The following AMMECR1 variants were observed in gnomAD, a reference collection of about 807,000 sequenced individuals.
AMMECR1 encodes the protein nuclear protein AMMECR1.
AMMECR1 carries 3 observed loss-of-function variants against 22.5 expected under a neutral mutation model. The observed-to-expected ratio is 0.13, with a 90% CI of 0.06 to 0.35. AMMECR1 has a LOEUF of 0.35. AMMECR1 is among the 10% of genes least tolerant of loss of function. The pLI, the probability that AMMECR1 is intolerant of heterozygous loss-of-function variation, is 1.00. For missense variants in AMMECR1, 235 were observed against 278.7 expected, an observed-to-expected ratio of 0.84 and a Z score of 1.12; for synonymous variants, 130 against 116.7, an observed-to-expected ratio of 1.11 and a Z score of -0.74.
intron 2 of AMMECR1, among the ~76,000 whole-genome samples, chrX:110,346,384 A>G (rs906201117): frequency 1.2e-4 from 14 of 112,309 alleles, no homozygotes; most frequent in Non-Finnish European, 1.9e-5. Flanking sequence ...GTCAAATATC[A>G]CTAGTATTCA....
chrX:110,344,418 C>G (rs780005058), intron 2 of AMMECR1, among the ~76,000 whole-genome samples: 1 of 112,139 alleles, frequency 8.9e-6, no homozygotes, highest in East Asian at 2.8e-4. Context: ...CAACACCATT[C>G]AGGACATAGG....
intron 3 of AMMECR1, among the ~76,000 whole-genome samples, chrX:110,202,977 C>T (rs965888806): frequency 8.9e-6 from 1 of 111,893 alleles, no homozygotes; most frequent in East Asian, 2.8e-4. Flanking sequence ...TGGTGCTGAT[C>T]CCCTCCCAAA....
At chrX:110,380,480 A>G (rs763725975) in intron 2 of AMMECR1, among the ~76,000 whole-genome samples, 12 of 112,436 alleles carry the variant, frequency 1.1e-4, no homozygotes, top group Non-Finnish European at 1.9e-4. Context: ...TTCCACACTC[A>G]TTAATTAGAA....
chrX:110,283,434 T>C (rs1016518559), intron 1 of AMMECR1, among the ~76,000 whole-genome samples: 5 of 112,362 alleles, frequency 4.4e-5, no homozygotes, highest in Admixed American at 2.8e-4. Context: ...GTTTGGACTA[T>C]TTACAATACC....
chrX:110,225,191 G>A lies in AMMECR1; in HGVS notation c.585-8559C>T, dbSNP rs2067526278. ...AATATATCAAAGCATGATACTTAGAGTAGGCTTTGTTATTAAAGACAGTGA... is the reference window on the plus strand; with the variant it reads ...AATATATCAAAGCATGATACTTAGAATAGGCTTTGTTATTAAAGACAGTGA... On this transcript the variant is annotated intron_variant, in intron 2 of 5. Transcript: ENST00000262844. 2.1e-5 allele frequency: 4 copies of A among 192,220 alleles called. No homozygotes were observed. In the Admixed American group the frequency reaches 2.2e-4, roughly 11 times the overall value. The allele number at this position is 192,220 out of a possible 1,213,427, so 15.8% of individuals were successfully genotyped here. A position where few individuals can be genotyped will look rare whatever the true frequency, so the allele number is the denominator to read the frequency against.
At chrX:110,399,135 A>C (rs2068547484) in intron 2 of AMMECR1, among the ~76,000 whole-genome samples, 1 of 112,131 alleles carries the variant, frequency 8.9e-6, no homozygotes, top group South Asian at 3.7e-4. Context: ...TCACAATAAC[A>C]ACAATAATAT....
At chrX:110,224,958 G>A (rs1055606971) in intron 2 of AMMECR1, 18 of 344,999 alleles carry the variant, frequency 5.2e-5, no homozygotes, top group African/African-American at 8.1e-5. Context: ...TTAGTTTTTC[G>A]TTTTTTAAAT....
intron 2 of AMMECR1, among the ~76,000 whole-genome samples, chrX:110,231,099 T>C (rs190925883): frequency 4.5e-5 from 5 of 111,413 alleles, no homozygotes; most frequent in African/African-American, 6.5e-5. Context: ...AGTTGGAAAA[T>C]ATGCTTCAGG....
chrX:110,393,688 C>T (rs2068510062), intron 2 of AMMECR1, among the ~76,000 whole-genome samples: 1 of 112,116 alleles, frequency 8.9e-6, no homozygotes, highest in East Asian at 2.8e-4. Context: ...ACAGCAGGTC[C>T]TTGAATAACA....
intron 2 of AMMECR1, among the ~76,000 whole-genome samples, chrX:110,218,535 TC>T (rs887005098): frequency 1.3e-5 from 1 of 76,788 alleles, no homozygotes; most frequent in Non-Finnish European, 2.5e-5. Flanking sequence ...AACTCCCCAT[TC>T]CCCCCCGCCC....
chrX:110,272,230 A>T (rs1001701879), intron 1 of AMMECR1, among the ~76,000 whole-genome samples: 3 of 110,586 alleles, frequency 2.7e-5, no homozygotes, highest in Non-Finnish European at 5.7e-5. Flanking sequence ...AAATAATAAT[A>T]ATTAATTATT....
chrX:110,381,551 A>C (rs1268968542), intron 2 of AMMECR1, among the ~76,000 whole-genome samples: 1 of 112,080 alleles, frequency 8.9e-6, no homozygotes, highest in African/African-American at 3.2e-5. Flanking sequence ...ATACCATTTG[A>C]TCCAGCAGTC....
At chrX:110,272,282 G>A (rs962712197) in intron 1 of AMMECR1, among the ~76,000 whole-genome samples, 3 of 110,941 alleles carry the variant, frequency 2.7e-5, no homozygotes, top group Non-Finnish European at 5.7e-5. Flanking sequence ...TTCTATTGAA[G>A]TCTTCCGATT....
chrX:110,415,981 G>A (rs1411738887), intron 2 of AMMECR1, among the ~76,000 whole-genome samples: 7 of 104,521 alleles, frequency 6.7e-5, no homozygotes, highest in African/African-American at 2.2e-4. Context: ...ACTATATATC[G>A]TGGGTTAACT....
chrX:110,372,254 G>A (rs183995696), intron 2 of AMMECR1, among the ~76,000 whole-genome samples: 23 of 112,537 alleles, frequency 2.0e-4, no homozygotes, highest in Admixed American at 1.7e-3. Flanking sequence ...TAAAATCAAG[G>A]AAGGAGGATA....
intron 1 of AMMECR1, among the ~76,000 whole-genome samples, chrX:110,270,591 G>C (rs1363990147): frequency 8.9e-6 from 1 of 112,030 alleles, no homozygotes; most frequent in Non-Finnish European, 1.9e-5. Context: ...GTGAGCATAA[G>C]CACAATCTCC....
Position 110,371,506 on chromosome X carries a change from C to T in AMMECR1, c.-147-53657G>A, listed in dbSNP as rs776804228. Among the ~76,000 whole-genome samples the T allele has an allele frequency of 4.5e-5, 5 of 111,235 alleles. No individual in the cohort carries two copies. In the South Asian group the frequency reaches 1.9e-3, roughly 43 times the overall value. On this transcript the variant is annotated intron_variant, in intron 2 of 7. Transcript: ENST00000372057. The stretch of plus-strand genomic sequence containing the variant: ...GATCTTATTCATTCTATTTTTTGTA[C>T]CCATTGACCATCCCCAACTCCCCCC...
chrX:110,267,625 G>A (rs138636551), intron 1 of AMMECR1, among the ~76,000 whole-genome samples: 3 of 111,244 alleles, frequency 2.7e-5, no homozygotes, highest in East Asian at 5.6e-4. Context: ...GCAGAACTAC[G>A]TTGTATATTC....
chrX:110,218,121 A>T (rs978276263), intron 2 of AMMECR1, among the ~76,000 whole-genome samples: 6 of 111,355 alleles, frequency 5.4e-5, no homozygotes, highest in Non-Finnish European at 1.1e-4. Context: ...GACAAATAAA[A>T]GTTTTAAAAA....
Sources: gnomAD v4.1 joint callset for allele counts (sites outside exome capture counted in the v4.1 genomes callset) on GRCh38, gnomAD v4.1.1 for gene constraint, MANE v1.5 for transcripts, NCBI Gene and HGNC (gene_info 2026-07-23, HGNC 2026-07-21) for gene names.